The following CDH10 variants were observed in gnomAD, a reference collection of about 807,000 sequenced individuals.
CDH10 encodes cadherin 10.
A neutral mutation model predicts 73.1 loss-of-function variants in CDH10; 30 were observed. The ratio of observed to expected loss-of-function variants is 0.41; its 90% CI spans 0.31 to 0.56. The LOEUF (loss-of-function observed/expected upper bound fraction) is 0.56, where lower values mean the gene tolerates loss of function less well. Ranked by LOEUF, CDH10 falls within the 20% of genes least tolerant of loss-of-function variation. CDH10 has a pLI of 0.27. For missense variants in CDH10, 815 were observed against 973.7 expected, an observed-to-expected ratio of 0.84 and a Z score of 2.17; for synonymous variants, 345 against 348.2, an observed-to-expected ratio of 0.99 and a Z score of 0.10.
intron 2 of CDH10, among the ~76,000 whole-genome samples, chr5:24,585,892 C>T (rs1376531288): frequency 6.6e-6 from 1 of 152,182 alleles, no homozygotes; most frequent in Non-Finnish European, 1.5e-5. Context: ...CTCCGCTCTG[C>T]TAGACTCAGG....
chr5:24,635,612 G>A (rs149416500), intron 1 of CDH10, among the ~76,000 whole-genome samples: 65 of 150,984 alleles, frequency 4.3e-4, no homozygotes, highest in African/African-American at 1.5e-3. Context: ...CTTTCCTATC[G>A]TTTACAAAAT....
At chr5:24,542,772 T>C (rs1744203299) in intron 2 of CDH10, among the ~76,000 whole-genome samples, 1 of 152,104 alleles carries the variant, frequency 6.6e-6, no homozygotes, top group Non-Finnish European at 1.5e-5. Context: ...GGTTTATAGA[T>C]GATACCTTCT....
chr5:24,624,506 G>T (rs894240919), intron 1 of CDH10, among the ~76,000 whole-genome samples: 3 of 152,086 alleles, frequency 2.0e-5, no homozygotes, highest in Non-Finnish European at 4.4e-5. Flanking sequence ...CTAGGTCCTA[G>T]AAAGTTTCCG....
At chr5:24,575,420 G>T (rs1244035818) in intron 2 of CDH10, among the ~76,000 whole-genome samples, 5 of 150,164 alleles carry the variant, frequency 3.3e-5, no homozygotes, top group Non-Finnish European at 7.4e-5. Flanking sequence ...TAATTTTAGA[G>T]TAGTTTATTG....
intron 1 of CDH10, among the ~76,000 whole-genome samples, chr5:24,643,254 C>T (rs1748115347): frequency 6.6e-6 from 1 of 152,054 alleles, no homozygotes; most frequent in African/African-American, 2.4e-5. Context: ...TTTCTTTCTT[C>T]TTCATCACTT....
chr5:24,562,726 C>T (rs903415337), intron 2 of CDH10, among the ~76,000 whole-genome samples: 31 of 152,206 alleles, frequency 2.0e-4, no homozygotes, highest in Middle Eastern at 3.4e-3. Flanking sequence ...ACTCCTTCCA[C>T]GTAACCTAAC....
At chr5:24,602,045 G>A (rs1490891082) in intron 1 of CDH10, among the ~76,000 whole-genome samples, 6 of 152,056 alleles carry the variant, frequency 3.9e-5, no homozygotes, top group African/African-American at 1.4e-4. Context: ...CACACTACTG[G>A]TGAAATCATT....
chr5:24,504,804 G>T (rs1184883977), intron 8 of CDH10, among the ~76,000 whole-genome samples: 1 of 151,926 alleles, frequency 6.6e-6, no homozygotes, highest in Non-Finnish European at 1.5e-5. Context: ...GATTACAGGC[G>T]TGAGCCACCG....
At chr5:24,492,087 G>A (rs1309580671) in intron 10 of CDH10, among the ~76,000 whole-genome samples, 1 of 152,114 alleles carries the variant, frequency 6.6e-6, no homozygotes, top group Non-Finnish European at 1.5e-5. Flanking sequence ...ATTTTTATAA[G>A]TGAATCATTT....
chr5:24,515,926 G>T (rs1465613177), intron 5 of CDH10, among the ~76,000 whole-genome samples: 2 of 151,972 alleles, frequency 1.3e-5, no homozygotes, highest in African/African-American at 4.8e-5. Flanking sequence ...AATCTCTTTC[G>T]CCTGCAGCCA....
chr5:24,572,315 T>G (rs1745413754), intron 2 of CDH10, among the ~76,000 whole-genome samples: 1 of 152,094 alleles, frequency 6.6e-6, no homozygotes, highest in Non-Finnish European at 1.5e-5. Context: ...ATTTCCCACT[T>G]CCTTTTTAAA....
intron 4 of CDH10, 110 bp downstream of exon 4, chr5:24,535,593 C>A: frequency 1.1e-6 from 1 of 945,470 alleles, no homozygotes; most frequent in South Asian, 1.7e-5. Context: ...TGTCTTCACT[C>A]ATCTGTGAGT....
Position 24,628,845 on chromosome 5 carries a change from G to GACACACACAC in CDH10, c.-124+15739_-124+15748dup, listed in dbSNP as rs71698746. ...CCCCCCCCACCCCGCTCCCCACCTTGACACACACACACACACACACACACA... is the reference window on the plus strand; with the variant it reads ...CCCCCCCCACCCCGCTCCCCACCTTGACACACACACACACACACACACACACACACACACA... On this transcript the variant is annotated intron_variant, in intron 1 of 11. Coordinates refer to ENST00000264463, the MANE Select transcript of CDH10 (RefSeq NM_006727.5). 3.6e-4 allele frequency among the ~76,000 whole-genome samples: 46 copies of GACACACACAC among 127,306 alleles called. 1 individual carries two copies. Among genetic ancestry groups the GACACACACAC allele is most frequent in the African/African-American group, 1.4e-3 (44 of 31,856 alleles). The allele number at this position is 127,306 out of a possible 152,430, so 83.5% of individuals were successfully genotyped here. A position where few individuals can be genotyped will look rare whatever the true frequency, so the allele number is the denominator to read the frequency against.
chr5:24,534,848 C>G (rs1034872823), intron 5 of CDH10, among the ~76,000 whole-genome samples: 1 of 152,102 alleles, frequency 6.6e-6, no homozygotes, highest in Non-Finnish European at 1.5e-5. Flanking sequence ...ACTACAATTA[C>G]AGATGCCAGG....
intron 1 of CDH10, among the ~76,000 whole-genome samples, chr5:24,613,613 A>G (rs748401492): frequency 2.0e-5 from 3 of 151,884 alleles, no homozygotes; most frequent in Non-Finnish European, 4.4e-5. Context: ...GCTGGAGAAG[A>G]GTCTCAGAAG....
intron 2 of CDH10, among the ~76,000 whole-genome samples, chr5:24,562,902 A>T (rs1035965802): frequency 6.6e-6 from 1 of 152,228 alleles, no homozygotes; most frequent in Non-Finnish European, 1.5e-5. Flanking sequence ...CAACCATTTG[A>T]CAGCAAGTTG....
intron 5 of CDH10, among the ~76,000 whole-genome samples, chr5:24,515,001 A>G (rs1028944458): frequency 5.3e-5 from 8 of 152,190 alleles, no homozygotes; most frequent in Admixed American, 6.5e-5. Flanking sequence ...ACATTTTAAT[A>G]AACCACATTC....
At chr5:24,616,497 C>T (rs1747133470) in intron 1 of CDH10, among the ~76,000 whole-genome samples, 1 of 151,332 alleles carries the variant, frequency 6.6e-6, no homozygotes, top group Non-Finnish European at 1.5e-5. Flanking sequence ...TAAATGGCAG[C>T]ATTGATAAAT....
At position 24,488,161 on chromosome 5, in the gene CDH10, AAAGAC is replaced by A; in HGVS notation, c.1877-13_1877-9del. ...CAAACAGTACTACTATAACTTGAAA[AAAGAC>A]AAGAAGATACATTAGACGTCCGTTC... On this transcript the variant is annotated splice_polypyrimidine_tract_variant and intron_variant, in intron 11 of 11. Transcript: ENST00000264463. 24 of 1,590,528 alleles carry A rather than the reference AAAGAC, an allele frequency of 1.5e-5. No homozygotes were observed. The highest frequency in any genetic ancestry group is 2.0e-5 in the Non-Finnish European group (24 of 1,171,268).
Sources: gnomAD v4.1 joint callset for allele counts (sites outside exome capture counted in the v4.1 genomes callset) on GRCh38, gnomAD v4.1.1 for gene constraint, MANE v1.5 for transcripts, NCBI Gene and HGNC (gene_info 2026-07-23, HGNC 2026-07-21) for gene names.